The following TSPAN14 variants were observed in gnomAD, a reference collection of about 807,000 sequenced individuals.
TSPAN14 encodes tetraspanin 14.
Under a neutral mutation model 36.6 loss-of-function variants are expected in TSPAN14, and 16 were observed. That is an observed-to-expected ratio of 0.44 (90% CI 0.30 to 0.66). The LOEUF (loss-of-function observed/expected upper bound fraction) is 0.66, where lower values mean the gene tolerates loss of function less well. Ranked by LOEUF, TSPAN14 falls within the 30% of genes least tolerant of loss-of-function variation. The probability of loss-of-function intolerance (pLI) is 0.12; values close to 1 mark genes in which losing one functional copy is unlikely to be tolerated. For missense variants in TSPAN14, 231 were observed against 355.1 expected, an observed-to-expected ratio of 0.65 and a Z score of 2.81; for synonymous variants, 139 against 143.8, an observed-to-expected ratio of 0.97 and a Z score of 0.24.
intron 8 of TSPAN14, among the ~76,000 whole-genome samples, chr10:80,517,121 G>C (rs1433459334): frequency 6.6e-6 from 1 of 152,218 alleles, no homozygotes; most frequent in Non-Finnish European, 1.5e-5. Context: ...CATTTAGAAA[G>C]TGTTTGACTC....
intron 2 of TSPAN14, among the ~76,000 whole-genome samples, chr10:80,498,695 G>A (rs1311391706): frequency 6.6e-6 from 1 of 152,212 alleles, no homozygotes. Flanking sequence ...TCACATCTCT[G>A]CTCTGTCTGC....
intron 2 of TSPAN14, among the ~76,000 whole-genome samples, chr10:80,502,226 G>C (rs1005206912): frequency 1.3e-5 from 2 of 152,228 alleles, no homozygotes; most frequent in Non-Finnish European, 2.9e-5. Flanking sequence ...GAGTGGCGTT[G>C]GAGCAGGGAG....
At chr10:80,486,096 T>G (rs551678200) in intron 1 of TSPAN14, among the ~76,000 whole-genome samples, 2 of 152,312 alleles carry the variant, frequency 1.3e-5, no homozygotes, top group East Asian at 3.9e-4. Context: ...GCTTGGAGTT[T>G]AGGACGTGGC....
chr10:80,488,000 A>T (rs1589267703), intron 1 of TSPAN14, among the ~76,000 whole-genome samples: 1 of 152,042 alleles, frequency 6.6e-6, no homozygotes, highest in Admixed American at 6.6e-5. Context: ...GCCTCACAGG[A>T]AGGGGTTTTG....
intron 1 of TSPAN14, among the ~76,000 whole-genome samples, chr10:80,456,694 T>TA (rs1370219833): frequency 6.6e-6 from 1 of 152,256 alleles, no homozygotes. Flanking sequence ...GATTATTTCA[T>TA]AGTGATACTA....
intron 1 of TSPAN14, among the ~76,000 whole-genome samples, chr10:80,474,770 C>T (rs971358364): frequency 6.6e-6 from 1 of 152,048 alleles, no homozygotes; most frequent in Non-Finnish European, 1.5e-5. Flanking sequence ...TTGAGCCTGG[C>T]CTTCCCAAAT....
chr10:80,490,434 T>C (rs1455065664), intron 2 of TSPAN14, among the ~76,000 whole-genome samples: 1 of 152,172 alleles, frequency 6.6e-6, no homozygotes, highest in Non-Finnish European at 1.5e-5. Flanking sequence ...ACTCCCAAGT[T>C]GGCTGAGAGC....
chr10:80,478,595 A>C (rs546253070), intron 1 of TSPAN14, among the ~76,000 whole-genome samples: 2 of 152,320 alleles, frequency 1.3e-5, no homozygotes, highest in East Asian at 3.9e-4. Context: ...AGTTACACAG[A>C]GAAAGAAACA....
intron 1 of TSPAN14, among the ~76,000 whole-genome samples, chr10:80,477,961 C>T (rs1847016049): frequency 6.6e-6 from 1 of 152,050 alleles, no homozygotes; most frequent in African/African-American, 2.4e-5. Context: ...ATGGCCCAAC[C>T]AGATCATCCT....
intron 1 of TSPAN14, among the ~76,000 whole-genome samples, chr10:80,478,732 C>T (rs972183416): frequency 1.3e-5 from 2 of 152,208 alleles, no homozygotes; most frequent in African/African-American, 4.8e-5. Context: ...ACTCTGCACA[C>T]AGCCAAACTC....
At chr10:80,507,326 C>T (rs774832771) in exon 4 of TSPAN14, 43 of 1,614,074 alleles carry the variant, frequency 2.7e-5, no homozygotes, top group Middle Eastern at 1.6e-4. Flanking sequence ...CCCTGGGGTT[C>T]GCCGGCTGCG....
chr10:80,489,405 T>C (rs1050498440), intron 2 of TSPAN14, 91 bp downstream of exon 2: 5 of 931,906 alleles, frequency 5.4e-6, no homozygotes, highest in Non-Finnish European at 8.5e-6. Context: ...CCAGACACTA[T>C]GTAAGGCTCT....
chr10:80,472,210 C>T (rs1013361475), intron 1 of TSPAN14, among the ~76,000 whole-genome samples: 2 of 152,102 alleles, frequency 1.3e-5, no homozygotes, highest in African/African-American at 2.4e-5. Context: ...TTTGTTCCTC[C>T]AAGAAGGACC....
At chr10:80,465,339 G>C (rs1054525412) in intron 1 of TSPAN14, among the ~76,000 whole-genome samples, 1 of 152,164 alleles carries the variant, frequency 6.6e-6, no homozygotes, top group Non-Finnish European at 1.5e-5. Flanking sequence ...CTGTGTGCTG[G>C]CAGCTCAGCC....
At chr10:80,482,237 AAAG>A (rs1359051528) in intron 1 of TSPAN14, among the ~76,000 whole-genome samples, 1 of 152,172 alleles carries the variant, frequency 6.6e-6, no homozygotes, top group Non-Finnish European at 1.5e-5. Context: ...TGAATAGAAA[AAAG>A]CAAATCTACA....
At chr10:80,513,192 C>G (rs1300635803) in intron 6 of TSPAN14, among the ~76,000 whole-genome samples, 2 of 152,220 alleles carry the variant, frequency 1.3e-5, no homozygotes, top group African/African-American at 4.8e-5. Flanking sequence ...GGCCGCTGTG[C>G]CTGTCCTGTC....
At chr10:80,476,409 GTTTTTTTTTTTTTTTT>G (rs60589813) in intron 1 of TSPAN14, among the ~76,000 whole-genome samples, 2 of 85,046 alleles carry the variant, frequency 2.4e-5, no homozygotes, top group Non-Finnish European at 2.2e-5. Flanking sequence ...TTGTTTTACT[GTTTTTTTTTTTTTTTT>G]TTTTTTTTGA....
exon 4 of TSPAN14, chr10:80,507,245 C>T (rs1840351282): frequency 6.2e-7 from 1 of 1,614,246 alleles, no homozygotes; most frequent in Non-Finnish European, 8.5e-7. Context: ...TGTCCGACCT[C>T]ACCAAAGTGA....
At chr10:80,496,842 A>G (rs555033166) in intron 2 of TSPAN14, among the ~76,000 whole-genome samples, 1 of 151,806 alleles carries the variant, frequency 6.6e-6, no homozygotes, top group African/African-American at 2.4e-5. Context: ...TTCTTTCCTT[A>G]TCTTATTTAT....
Sources: gnomAD v4.1 joint callset for allele counts (sites outside exome capture counted in the v4.1 genomes callset) on GRCh38, gnomAD v4.1.1 for gene constraint, MANE v1.5 for transcripts, NCBI Gene and HGNC (gene_info 2026-07-23, HGNC 2026-07-21) for gene names.